The following SIDT1 variants were observed in gnomAD, a reference collection of about 807,000 sequenced individuals.
The protein encoded by SIDT1 is SID1 transmembrane family member 1.
SIDT1 carries 101 observed loss-of-function variants against 107.5 expected under a neutral mutation model. That is an observed-to-expected ratio of 0.94 (90% CI 0.80 to 1.11). The LOEUF is 1.11. SIDT1 is among the 50% of genes least tolerant of loss of function. The probability of loss-of-function intolerance (pLI) is 0.00; values close to 1 mark genes in which losing one functional copy is unlikely to be tolerated. For missense variants in SIDT1, 1,076 were observed against 1,058.2 expected (o/e 1.02, Z -0.23); for synonymous variants, 395 against 398.2 (o/e 0.99, Z 0.10).
chr3:113,576,015 G>A (rs1005092886), intron 3 of SIDT1, among the ~76,000 whole-genome samples: 3 of 152,172 alleles, frequency 2.0e-5, no homozygotes, highest in Non-Finnish European at 4.4e-5. Context: ...CTAATGATGA[G>A]GCAACAGCCA....
At chr3:113,608,779 G>A (rs537633042) in intron 17 of SIDT1, among the ~76,000 whole-genome samples, 23 of 152,286 alleles carry the variant, frequency 1.5e-4, no homozygotes, top group African/African-American at 5.5e-4. Flanking sequence ...TGTAGAAAGG[G>A]CTTGTGGTTG....
chr3:113,599,271 AC>A (rs1944787810), intron 10 of SIDT1, among the ~76,000 whole-genome samples: 1 of 152,234 alleles, frequency 6.6e-6, no homozygotes, highest in Admixed American at 6.5e-5. Flanking sequence ...AATAAACTAA[AC>A]AGAAAGAAGA....
At chr3:113,590,326 A>G (rs1418277486) in intron 9 of SIDT1, 1 of 152,242 alleles carries the variant, frequency 6.6e-6, no homozygotes, top group East Asian at 1.9e-4. Flanking sequence ...TGGAAGTAAT[A>G]AGAGAATGTA....
intron 9 of SIDT1, among the ~76,000 whole-genome samples, chr3:113,586,051 A>C (rs1943720318): frequency 6.6e-6 from 1 of 152,228 alleles, no homozygotes; most frequent in Non-Finnish European, 1.5e-5. Flanking sequence ...ACTGTTTGCA[A>C]AATGAACTCC....
At chr3:113,612,959 A>G (rs1197658781) in intron 19 of SIDT1, among the ~76,000 whole-genome samples, 2 of 152,244 alleles carry the variant, frequency 1.3e-5, no homozygotes, top group Non-Finnish European at 2.9e-5. Flanking sequence ...TAAGAACATC[A>G]AAGTCATAAA....
At chr3:113,573,930 C>T (rs1284465009) in intron 3 of SIDT1, among the ~76,000 whole-genome samples, 4 of 152,022 alleles carry the variant, frequency 2.6e-5, no homozygotes, top group Non-Finnish European at 2.9e-5. Context: ...ATTTCAAGGG[C>T]GTGGTGGAGA....
At chr3:113,634,852 G>A in the SIDT1 span, among the ~76,000 whole-genome samples, 57 of 152,094 alleles carry the variant, frequency 3.7e-4, no homozygotes, top group South Asian at 9.4e-3. Context: ...TCCAAAATAC[G>A]GAAGACATAT....
rs1437942431 is a variant in SIDT1, at chr3:113,532,588, T to TG, written c.-432dup. The TG allele has an allele frequency of 6.3e-6, 1 of 158,604 alleles. No individual in the cohort carries two copies. The highest frequency in any genetic ancestry group is 1.4e-5 in the Non-Finnish European group (1 of 72,588). The allele number at this position is 158,604 out of a possible 1,614,324, so 9.8% of individuals were successfully genotyped here. A position where few individuals can be genotyped will look rare whatever the true frequency, so the allele number is the denominator to read the frequency against. ...AACAGACCGAATTTCCTCCTCGATG[T>TG]GGCGTCAGGTTGACTTTTCGAGACT... is the stretch of plus-strand genomic sequence containing the variant. On this transcript the variant is annotated 5_prime_UTR_variant, in exon 1 of 25. It introduces an in-frame stop codon into an upstream open reading frame of the 5' UTR. Coordinates refer to ENST00000264852, the MANE Select transcript of SIDT1 (RefSeq NM_017699.3).
intron 2 of SIDT1, among the ~76,000 whole-genome samples, chr3:113,567,240 T>C (rs61001715): frequency 0.021 from 3,176 of 152,288 alleles, 65 homozygotes; most frequent in African/African-American, 0.055. Context: ...AGTTTCCCCA[T>C]CAAATTGGAT....
At chr3:113,553,361 G>C (rs1513287) in intron 1 of SIDT1, among the ~76,000 whole-genome samples, 1 of 151,730 alleles carries the variant, frequency 6.6e-6, no homozygotes, top group Admixed American at 6.6e-5. Context: ...AAAAATAAAA[G>C]GCTGGTAAGT....
rs187158270 is a variant in SIDT1 at position 113,596,755 on chromosome 3, A to G, written c.1045+3707A>G. ...ATTCAGTTACCAGCTGAGAAAAATAATGAAGCCTCCCCAACAGGCCTCTGG... is the reference window on the plus strand; with the variant it reads ...ATTCAGTTACCAGCTGAGAAAAATAGTGAAGCCTCCCCAACAGGCCTCTGG... On this transcript the variant is annotated intron_variant, in intron 10 of 24. Transcript: ENST00000264852. Among the ~76,000 whole-genome samples the G allele has an allele frequency of 1.5e-4, 23 of 152,354 alleles. No individual in the cohort carries two copies. The East Asian group carries it at 3.7e-3, about 24-fold the overall frequency.
rs545127923 is a variant in SIDT1 at position 113,571,349 on chromosome 3, T to C, written c.515+3639T>C. Among the ~76,000 whole-genome samples, 4 of 152,158 alleles carry C rather than the reference T, an allele frequency of 2.6e-5. No individual in the cohort carries two copies. The South Asian group carries it at 8.3e-4, about 32-fold the overall frequency. ...AAGAGGACTGATTGAGCCCAGGAGTTTGTGCTGCTGTGAGCCATGATTGTG... is the reference window on the plus strand; with the variant it reads ...AAGAGGACTGATTGAGCCCAGGAGTCTGTGCTGCTGTGAGCCATGATTGTG... On this transcript the variant is annotated intron_variant, in intron 3 of 24. Transcript: ENST00000264852.
At chr3:113,547,362 A>G (rs1234846516) in intron 1 of SIDT1, among the ~76,000 whole-genome samples, 1 of 152,178 alleles carries the variant, frequency 6.6e-6, no homozygotes, top group East Asian at 1.9e-4. Context: ...TCATAGAAGG[A>G]AAATTAAAGC....
At chr3:113,630,112 A>G (rs1947077524), downstream of SIDT1, among the ~76,000 whole-genome samples, 1 of 152,116 alleles carries the variant, frequency 6.6e-6, no homozygotes, top group Admixed American at 6.5e-5. Context: ...TTCACTCTTT[A>G]AAAGGGAAAG....
At chr3:113,547,543 CATGGAGATGCTG>C (rs1560016369) in intron 1 of SIDT1, among the ~76,000 whole-genome samples, 1 of 152,006 alleles carries the variant, frequency 6.6e-6, no homozygotes, top group Non-Finnish European at 1.5e-5. Context: ...GAAAGAAGGA[CATGGAGATGCTG>C]ATTTTTGTAC....
intron 14 of SIDT1, among the ~76,000 whole-genome samples, chr3:113,605,247 C>T (rs899881464): frequency 1.3e-5 from 2 of 151,364 alleles, no homozygotes; most frequent in South Asian, 2.1e-4. Flanking sequence ...CTCAGCCTCC[C>T]GAGTAGCTGG....
intron 1 of SIDT1, among the ~76,000 whole-genome samples, chr3:113,541,411 C>A (rs1938847713): frequency 6.6e-6 from 1 of 152,176 alleles, no homozygotes; most frequent in Admixed American, 6.5e-5. Context: ...CACAAGTGAT[C>A]CGCCCACCTC....
chr3:113,578,727 C>A (rs555212738), intron 4 of SIDT1, among the ~76,000 whole-genome samples: 46 of 152,222 alleles, frequency 3.0e-4, no homozygotes, highest in African/African-American at 1.1e-3. Flanking sequence ...TGGTAGCTTG[C>A]ATCTGTAGTT....
intron 1 of SIDT1, among the ~76,000 whole-genome samples, chr3:113,562,053 A>G (rs1338922994): frequency 1.3e-5 from 2 of 152,214 alleles, no homozygotes; most frequent in African/African-American, 2.4e-5. Context: ...AAGCTAATGC[A>G]TTCTGCCAGG....
Sources: gnomAD v4.1 joint callset for allele counts (sites outside exome capture counted in the v4.1 genomes callset) on GRCh38, gnomAD v4.1.1 for gene constraint, MANE v1.5 for transcripts, NCBI Gene and HGNC (gene_info 2026-07-23, HGNC 2026-07-21) for gene names.